ANXA10: variants seen among roughly 807,000 people sequenced by gnomAD.
ANXA10 encodes the protein annexin 14.
Under a neutral mutation model 53.5 loss-of-function variants are expected in ANXA10, and 49 were observed. That is an observed-to-expected ratio of 0.92 (90% CI 0.73 to 1.16). ANXA10 has a LOEUF of 1.16. Among genes scored for constraint, ANXA10 ranks in the 50% most tolerant of loss-of-function variants. The probability of loss-of-function intolerance (pLI) is 0.00; values close to 1 mark genes in which losing one functional copy is unlikely to be tolerated. For missense variants in ANXA10, 393 were observed against 394.4 expected (o/e 1.00, Z 0.03); for synonymous variants, 131 against 128.9 (o/e 1.02, Z -0.11).
At chr4:168,174,441 C>T (rs1021786497) in intron 6 of ANXA10, among the ~76,000 whole-genome samples, 5 of 152,202 alleles carry the variant, frequency 3.3e-5, no homozygotes, top group African/African-American at 4.8e-5. Context: ...GCCAGCTGGA[C>T]CCCATGCTCA....
At chr4:168,175,370 A>C (rs1405171256) in intron 6 of ANXA10, among the ~76,000 whole-genome samples, 1 of 152,234 alleles carries the variant, frequency 6.6e-6, no homozygotes, top group Non-Finnish European at 1.5e-5. Flanking sequence ...AATTAAAATC[A>C]TAAGAGAGAA....
At chr4:168,117,373 C>G (rs1025558839) in intron 1 of ANXA10, among the ~76,000 whole-genome samples, 16 of 152,150 alleles carry the variant, frequency 1.1e-4, no homozygotes, top group Non-Finnish European at 2.9e-5. Context: ...AAAAATACAA[C>G]CTTAAGATTA....
At chr4:168,151,601 C>T (rs1316654549) in intron 3 of ANXA10, among the ~76,000 whole-genome samples, 1 of 152,148 alleles carries the variant, frequency 6.6e-6, no homozygotes, top group Non-Finnish European at 1.5e-5. Flanking sequence ...TGGGGAAAGT[C>T]ACGCTGCAAA....
At position 168,118,883 on chromosome 4, in the gene ANXA10, T is replaced by G. The variant is rs181821220; in HGVS notation, c.19-9201T>G. Among the ~76,000 whole-genome samples the G allele has an allele frequency of 1.9e-3, 295 of 152,294 alleles. 3 individuals carry two copies. The highest frequency in any genetic ancestry group is 0.018 in the Admixed American group (273 of 15,290). ...TTATTATTCATGTTTTTCTGCATTT[T>G]TATTAATAAATTTTGTAACTAATTC... On this transcript the variant is annotated intron_variant, in intron 1 of 11. Transcript: ENST00000359299.
intron 1 of ANXA10, among the ~76,000 whole-genome samples, chr4:168,103,376 T>C (rs948045693): frequency 1.3e-5 from 2 of 151,992 alleles, no homozygotes; most frequent in African/African-American, 4.8e-5. Context: ...TATTTTTTTA[T>C]ATGAATCTCC....
At chr4:168,124,530 T>C (rs1303702672) in intron 1 of ANXA10, among the ~76,000 whole-genome samples, 1 of 152,228 alleles carries the variant, frequency 6.6e-6, no homozygotes, top group Admixed American at 6.5e-5. Context: ...CACAGGAATA[T>C]GTTACAGCAT....
chr4:168,150,347 C>T (rs1176176926), intron 3 of ANXA10, among the ~76,000 whole-genome samples: 4 of 152,078 alleles, frequency 2.6e-5, no homozygotes, highest in Admixed American at 2.0e-4. Flanking sequence ...TGAAGCTATT[C>T]GAAAGAATAT....
At chr4:168,186,325 T>C (rs185432231) in intron 11 of ANXA10, among the ~76,000 whole-genome samples, 153 of 152,340 alleles carry the variant, frequency 1.0e-3, no homozygotes, top group African/African-American at 3.5e-3. Context: ...CCTAATTTTC[T>C]ACAGAAAATC....
chr4:168,123,209 C>CT (rs1472805333), intron 1 of ANXA10, among the ~76,000 whole-genome samples: 1 of 152,060 alleles, frequency 6.6e-6, no homozygotes, highest in Non-Finnish European at 1.5e-5. Flanking sequence ...TGCCTTGATT[C>CT]TTTCCCCCAT....
chr4:168,164,918 T>C (rs1731848170), intron 5 of ANXA10, among the ~76,000 whole-genome samples: 1 of 152,178 alleles, frequency 6.6e-6, no homozygotes, highest in South Asian at 2.1e-4. Flanking sequence ...TAAAATGAGA[T>C]GAAGCACTTA....
intron 3 of ANXA10, among the ~76,000 whole-genome samples, chr4:168,161,214 T>C (rs1731777240): frequency 1.3e-5 from 2 of 152,228 alleles, no homozygotes; most frequent in Admixed American, 6.5e-5. Flanking sequence ...AAGTCTTTAA[T>C]TCATCTTGAG....
intron 6 of ANXA10, among the ~76,000 whole-genome samples, chr4:168,174,191 C>T (rs1732073428): frequency 6.6e-6 from 1 of 152,172 alleles, no homozygotes; most frequent in Admixed American, 6.5e-5. Context: ...AGCCCTGTAG[C>T]ACTCCCTTCC....
chr4:168,141,691 G>A (rs1021011734), intron 3 of ANXA10, among the ~76,000 whole-genome samples: 1 of 152,196 alleles, frequency 6.6e-6, no homozygotes, highest in African/African-American at 2.4e-5. Context: ...TATTTAAAGA[G>A]ACAGGACATT....
chr4:168,092,610 G>A lies in ANXA10; in HGVS notation c.-91G>A. 7.7e-7 allele frequency: 1 copy of A among 1,297,498 alleles called. No individual in the cohort carries two copies. The highest frequency in any genetic ancestry group is 2.0e-5 in the Admixed American group (1 of 49,438). 80.4% of individuals were successfully genotyped at this position (1,297,498 alleles called of 1,614,324 possible). A position where few individuals can be genotyped will look rare whatever the true frequency, so the allele number is the denominator to read the frequency against. On this transcript the variant is annotated 5_prime_UTR_variant, in exon 1 of 12. In the 5' UTR this introduces an upstream ATG that the reference lacks. Coordinates refer to ENST00000359299, the MANE Select transcript of ANXA10 (RefSeq NM_007193.5). The stretch of plus-strand genomic sequence containing the variant: ...GAACATATTTACATTTGATTTAACA[G>A]TGAACCTTAATTCTTTCTGGCTTCA...
rs529342485 is a variant in ANXA10, at chr4:168,097,795, T to C, written c.18+5077T>C. 2.4e-4 allele frequency among the ~76,000 whole-genome samples: 37 copies of C among 152,228 alleles called. No individual in the cohort carries two copies. In the East Asian group the frequency reaches 5.6e-3, roughly 23 times the overall value. ...GTATTTCATTGACATATAAGATTCA[T>C]ACTCACTCTGCAATTACACAAAGTA... On this transcript the variant is annotated intron_variant, in intron 1 of 11. Coordinates refer to ENST00000359299, the MANE Select transcript of ANXA10 (RefSeq NM_007193.5).
chr4:168,151,380 T>A (rs1243241043), intron 3 of ANXA10, among the ~76,000 whole-genome samples: 1 of 152,262 alleles, frequency 6.6e-6, no homozygotes, highest in Non-Finnish European at 1.5e-5. Flanking sequence ...GTAAGACGAA[T>A]AAGAAATAAG....
Position 168,139,469 on chromosome 4 carries a change from A to T in ANXA10, c.101-17A>T. On this transcript the variant is annotated splice_polypyrimidine_tract_variant and intron_variant, in intron 2 of 11. Coordinates refer to ENST00000359299, the MANE Select transcript of ANXA10 (RefSeq NM_007193.5). ...AAGTAGCAACTTTACTAATCTTCAAATATTATTCTTTTCCAGACTGTGACA... is the reference window on the plus strand; with the variant it reads ...AAGTAGCAACTTTACTAATCTTCAATTATTATTCTTTTCCAGACTGTGACA... 1 of 1,606,666 alleles carries T rather than the reference A, an allele frequency of 6.2e-7. No individual in the cohort carries two copies. Among genetic ancestry groups the T allele is most frequent in the Non-Finnish European group, 8.5e-7 (1 of 1,174,188 alleles).
chr4:168,109,224 A>G (rs1579202880), intron 1 of ANXA10, among the ~76,000 whole-genome samples: 2 of 152,210 alleles, frequency 1.3e-5, no homozygotes, highest in Admixed American at 1.3e-4. Context: ...AAGAAGATCA[A>G]TGTATGTTTG....
chr4:168,139,363 G>A (rs1467802355), intron 2 of ANXA10, 123 bp from the exon 3 acceptor site: 8 of 642,020 alleles, frequency 1.2e-5, no homozygotes, highest in Non-Finnish European at 5.1e-6. Context: ...AGTTAAAATT[G>A]TTCCCTGCTG....
Sources: allele counts gnomAD v4.1 joint callset (sites outside exome capture counted in the v4.1 genomes callset), GRCh38; gene constraint gnomAD v4.1.1; transcripts MANE v1.5; gene names NCBI Gene and HGNC (gene_info 2026-07-23, HGNC 2026-07-21).